TICRR: variants seen among roughly 807,000 people sequenced by gnomAD.
TICRR encodes the protein TOPBP1 interacting checkpoint and replication regulator.
A neutral mutation model predicts 178.1 loss-of-function variants in TICRR; 132 were observed. That is an observed-to-expected ratio of 0.74 (90% CI 0.64 to 0.86). The LOEUF (loss-of-function observed/expected upper bound fraction) is 0.86. Among genes scored for constraint, TICRR ranks in the 40% least tolerant of loss-of-function variants. The probability of loss-of-function intolerance (pLI) is 0.00; values close to 1 mark genes in which losing one functional copy is unlikely to be tolerated. For missense variants in TICRR, 2,587 were observed against 2,334.3 expected (o/e 1.11, Z -2.23); for synonymous variants, 991 against 900.7 (o/e 1.10, Z -1.79).
intron 4 of TICRR, among the ~76,000 whole-genome samples, chr15:89,589,790 G>A (rs947690496): frequency 1.3e-5 from 2 of 151,974 alleles, no homozygotes; most frequent in Admixed American, 6.6e-5. Context: ...CTACAGTTGG[G>A]GCAGACTTCT....
chr15:89,577,014 C>G (rs936369062), intron 1 of TICRR, among the ~76,000 whole-genome samples: 10 of 151,908 alleles, frequency 6.6e-5, no homozygotes. Context: ...ATGCCTCAGC[C>G]TCCCAAGTAG....
intron 7 of TICRR, among the ~76,000 whole-genome samples, chr15:89,598,037 A>G (rs1037960418): frequency 2.0e-5 from 3 of 152,214 alleles, no homozygotes; most frequent in African/African-American, 4.8e-5. Flanking sequence ...TTGCTTGTAC[A>G]TTACTGGCAT....
rs145910246 is a variant in TICRR, at chr15:89,627,603, C to G, written c.*517C>G. The G allele has an allele frequency of 6.4e-6, 1 of 155,464 alleles. No homozygotes were observed. Among genetic ancestry groups the G allele is most frequent in the East Asian group, 1.9e-4 (1 of 5,274 alleles). 9.6% of individuals were successfully genotyped at this position (155,464 alleles called of 1,614,324 possible). ...TAAAATCATCTCTAGTGACTGAGCA[C>G]TCAGTACATTTTTGTTTAATGTTGG... On this transcript the variant is annotated 3_prime_UTR_variant, in exon 22 of 22. Transcript: ENST00000268138.
intron 5 of TICRR, among the ~76,000 whole-genome samples, chr15:89,593,005 C>T (rs1962938614): frequency 6.6e-6 from 1 of 152,198 alleles, no homozygotes; most frequent in Non-Finnish European, 1.5e-5. Flanking sequence ...ATAGCAATAC[C>T]ATATACTGTA....
intron 7 of TICRR, among the ~76,000 whole-genome samples, chr15:89,596,400 G>T (rs148732884): frequency 6.6e-6 from 1 of 152,190 alleles, no homozygotes; most frequent in African/African-American, 2.4e-5. Context: ...AGGCTGGAGT[G>T]CACTGGCATG....
chr15:89,577,923 T>C (rs1303787498), intron 1 of TICRR, among the ~76,000 whole-genome samples: 4 of 152,044 alleles, frequency 2.6e-5, no homozygotes, highest in Non-Finnish European at 4.4e-5. Flanking sequence ...GAAGGCCTTT[T>C]TGAGCAGAGA....
rs137956507 is a variant in TICRR at position 89,625,157 on chromosome 15, A to C, written c.4847A>C (p.Lys1616Thr). 292 of 1,613,848 alleles carry C rather than the reference A, an allele frequency of 1.8e-4. 1 individual carries two copies. In the African/African-American group the frequency reaches 3.6e-3, roughly 20 times the overall value. ...CCCAGGGCCAGCAGGTCCTTAAGCAAACCTGAACCCACCTATGTGTCACCC... is the reference window on the plus strand; with the variant it reads ...CCCAGGGCCAGCAGGTCCTTAAGCACACCTGAACCCACCTATGTGTCACCC... ...SMPRASRSLS[K>T]PEPTYVSPPC... is the part of the protein sequence containing the mutation. The change falls in exon 20 of 22, where the codon AAA becomes ACA. Residue 1616 changes from lysine to threonine, a missense_variant. Transcript: ENST00000268138.
At chr15:89,578,042 A>T (rs1269841991) in intron 1 of TICRR, among the ~76,000 whole-genome samples, 2 of 152,170 alleles carry the variant, frequency 1.3e-5, no homozygotes, top group East Asian at 3.9e-4. Context: ...TTGTTTCAGA[A>T]ACAAAAAGGC....
rs1247744268 is a variant in TICRR, at chr15:89,623,979, C to G, written c.3669C>G (p.Pro1223=). Residue 1223 remains proline (P), a synonymous_variant, in exon 20 of 22, where the codon CCC becomes CCG. Coordinates refer to ENST00000268138, the MANE Select transcript of TICRR (RefSeq NM_152259.4). The stretch of plus-strand genomic sequence containing the variant: ...CAGTGAATTCCAGTCCAGAAAGCCC[C>G]TCCTGTCCAGCCCCTCCAACTTCAT... ...PHSVNSSPES[P]SCPAPPTSST... is the part of the protein sequence containing the mutation. 2 of 1,613,938 alleles carry G rather than the reference C, an allele frequency of 1.2e-6. No individual in the cohort carries two copies. Among genetic ancestry groups the G allele is most frequent in the South Asian group, 1.1e-5 (1 of 91,074 alleles).
Position 89,576,132 on chromosome 15 carries a change from G to T in TICRR, c.546G>T (p.Pro182=), listed in dbSNP as rs763945849. Residue 182 remains proline, a synonymous_variant, in exon 1 of 22, where the codon CCG becomes CCT. Coordinates refer to ENST00000268138, the MANE Select transcript of TICRR (RefSeq NM_152259.4). ...SGCEAQAQRL[P]PTPKQVMEKL... ...GCGAGGCCCAGGCCCAGCGCCTGCC[G>T]CCCACCCCTAAGCAGGTGATGGAGA... 3.1e-6 allele frequency: 5 copies of T among 1,609,158 alleles called. No individual in the cohort carries two copies. Among genetic ancestry groups the T allele is most frequent in the Middle Eastern group, 1.6e-4 (1 of 6,084 alleles).
At chr15:89,581,509 A>T (rs1353811039) in intron 1 of TICRR, among the ~76,000 whole-genome samples, 1 of 152,236 alleles carries the variant, frequency 6.6e-6, no homozygotes, top group Non-Finnish European at 1.5e-5. Flanking sequence ...TGAGCCAGAT[A>T]CAGAAGCGTA....
chr15:89,587,945 GT>G (rs1488193315), intron 4 of TICRR, among the ~76,000 whole-genome samples: 1 of 152,150 alleles, frequency 6.6e-6, no homozygotes, highest in African/African-American at 2.4e-5. Context: ...AGATAATATG[GT>G]AAAAATTAAT....
At chr15:89,606,923 CT>C in intron 14 of TICRR, 98 bp downstream of exon 14, 1 of 979,326 alleles carries the variant, frequency 1.0e-6, no homozygotes, top group Non-Finnish European at 1.6e-6. Flanking sequence ...TAAATTAAGG[CT>C]TTGTATGATT....
intron 17 of TICRR, among the ~76,000 whole-genome samples, chr15:89,619,326 A>G (rs910115345): frequency 2.0e-5 from 3 of 146,940 alleles, no homozygotes; most frequent in Non-Finnish European, 3.0e-5. Context: ...CCCAGGTTCA[A>G]GCGATTCTCC....
chr15:89,603,700 C>T (rs1963132427), intron 13 of TICRR, among the ~76,000 whole-genome samples: 1 of 152,186 alleles, frequency 6.6e-6, no homozygotes, highest in Non-Finnish European at 1.5e-5. Flanking sequence ...AGATATGTTC[C>T]AAGACCCCCA....
intron 2 of TICRR, among the ~76,000 whole-genome samples, chr15:89,583,928 T>A (rs568566607): frequency 1.3e-5 from 2 of 152,188 alleles, no homozygotes; most frequent in Non-Finnish European, 2.9e-5. Context: ...CCTCAAGTGA[T>A]CCTCTGGCCT....
At chr15:89,608,441 A>ATT (rs1479299900) in intron 14 of TICRR, among the ~76,000 whole-genome samples, 1 of 152,228 alleles carries the variant, frequency 6.6e-6, no homozygotes, top group African/African-American at 2.4e-5. Context: ...TAAAAAAGAA[A>ATT]TTAGCACTAG....
intron 15 of TICRR, among the ~76,000 whole-genome samples, chr15:89,616,035 C>T (rs1243679930): frequency 6.6e-6 from 1 of 152,032 alleles, no homozygotes; most frequent in East Asian, 1.9e-4. Context: ...CAGGCACGCA[C>T]CACCTCGCCC....
chr15:89,610,318 G>T (rs747919805), intron 15 of TICRR, among the ~76,000 whole-genome samples: 1 of 152,124 alleles, frequency 6.6e-6, no homozygotes, highest in Non-Finnish European at 1.5e-5. Context: ...AAAGTCTCCA[G>T]CTATTATTGT....
Sources: allele counts gnomAD v4.1 joint callset (sites outside exome capture counted in the v4.1 genomes callset), GRCh38; gene constraint gnomAD v4.1.1; transcripts MANE v1.5; gene names NCBI Gene and HGNC (gene_info 2026-07-23, HGNC 2026-07-21).